DIS3L2: variants seen among roughly 807,000 people sequenced by gnomAD.
DIS3L2 encodes the protein DIS3-like exonuclease 2.
DIS3L2 carries 34 observed loss-of-function variants against 97.5 expected under a neutral mutation model. That is an observed-to-expected ratio of 0.35 (90% CI 0.27 to 0.46). The LOEUF (loss-of-function observed/expected upper bound fraction) is 0.46, where lower values mean the gene tolerates loss of function less well. DIS3L2 is among the 20% of genes least tolerant of loss of function. The probability of loss-of-function intolerance (pLI) is 1.00; values close to 1 mark genes in which losing one functional copy is unlikely to be tolerated. For missense variants in DIS3L2, 1,038 were observed against 1,146.0 expected (o/e 0.91, Z 1.36); for synonymous variants, 435 against 445.2 (o/e 0.98, Z 0.29).
At chr2:232,161,041 C>T (rs1438389230) in intron 8 of DIS3L2, among the ~76,000 whole-genome samples, 2 of 152,078 alleles carry the variant, frequency 1.3e-5, no homozygotes, top group Non-Finnish European at 2.9e-5. Context: ...TCTAAGCCTC[C>T]AGAGTAGCTG....
intron 4 of DIS3L2, among the ~76,000 whole-genome samples, chr2:232,028,714 G>A (rs1694725768): frequency 6.6e-6 from 1 of 152,152 alleles, no homozygotes; most frequent in Admixed American, 6.6e-5. Context: ...AGCAATAGAT[G>A]GTGATGTGCC....
intron 1 of DIS3L2, among the ~76,000 whole-genome samples, chr2:231,981,444 G>A (rs936535027): frequency 2.0e-5 from 3 of 150,916 alleles, no homozygotes; most frequent in African/African-American, 7.3e-5. Context: ...CATTTTATCT[G>A]TAAATAATAA....
chr2:232,299,355 C>T (rs982304328), intron 13 of DIS3L2, among the ~76,000 whole-genome samples: 27 of 152,308 alleles, frequency 1.8e-4, no homozygotes, highest in African/African-American at 6.0e-4. Flanking sequence ...CCTTCTTTTT[C>T]TTTTCTTCGC....
At chr2:232,248,816 C>G (rs1471886924) in intron 11 of DIS3L2, among the ~76,000 whole-genome samples, 1 of 152,206 alleles carries the variant, frequency 6.6e-6, no homozygotes, top group Non-Finnish European at 1.5e-5. Context: ...ATTGATTCAA[C>G]AATAACAATA....
intron 11 of DIS3L2, among the ~76,000 whole-genome samples, chr2:232,241,287 C>T (rs2106255771): frequency 6.6e-6 from 1 of 152,394 alleles, no homozygotes; most frequent in East Asian, 1.9e-4. Context: ...TCTCTGCTTT[C>T]TCACTTGGCA....
intron 1 of DIS3L2, among the ~76,000 whole-genome samples, chr2:231,986,054 C>T (rs1693403964): frequency 6.6e-6 from 1 of 152,212 alleles, no homozygotes. Flanking sequence ...TCCTGGTGCC[C>T]TTGGACATCA....
At chr2:232,213,661 GTTTTTTTTTTTTT>G (rs67846645) in intron 10 of DIS3L2, among the ~76,000 whole-genome samples, 1 of 80,740 alleles carries the variant, frequency 1.2e-5, no homozygotes. Context: ...ATCATCTGTA[GTTTTTTTTTTTTT>G]TTTTTTTTTT....
intron 14 of DIS3L2, among the ~76,000 whole-genome samples, chr2:232,300,842 CAG>C (rs1188730721): frequency 6.6e-6 from 1 of 152,022 alleles, no homozygotes; most frequent in Non-Finnish European, 1.5e-5. Context: ...TTAGTACAGA[CAG>C]GGTCTCCCTA....
chr2:232,046,862 A>G (rs1695257858), intron 5 of DIS3L2, among the ~76,000 whole-genome samples: 1 of 152,148 alleles, frequency 6.6e-6, no homozygotes. Context: ...TGTATTTTCC[A>G]GGCTGGTCTC....
At chr2:232,329,787 C>CCGGGGGCGCA in intron 14 of DIS3L2, 26 bp from the exon 15 acceptor site, 1 of 1,062,210 alleles carries the variant, frequency 9.4e-7, no homozygotes, top group Non-Finnish European at 1.3e-6. Flanking sequence ...CCCAGCGGTC[C>CCGGGGGCGCA]CTCCCATCCC....
At chr2:232,088,390 C>CAAAAAAAAAA (rs778505065) in intron 6 of DIS3L2, among the ~76,000 whole-genome samples, 92 of 55,334 alleles carry the variant, frequency 1.7e-3, no homozygotes, top group Middle Eastern at 0.013. Context: ...ACTAAAAATA[C>CAAAAAAAAAA]AAAAAAAAAA....
intron 14 of DIS3L2, among the ~76,000 whole-genome samples, chr2:232,319,768 G>A (rs1695374325): frequency 6.6e-6 from 1 of 152,194 alleles, no homozygotes; most frequent in Non-Finnish European, 1.5e-5. Flanking sequence ...CTGCAACCCA[G>A]GCTGCCCTAC....
chr2:232,317,856 A>G (rs1051982698), intron 14 of DIS3L2, among the ~76,000 whole-genome samples: 7 of 152,250 alleles, frequency 4.6e-5, no homozygotes, highest in Admixed American at 3.9e-4. Context: ...AGTTAACAAT[A>G]GGTCAGAGCT....
chr2:232,216,967 C>T (rs541418473), intron 10 of DIS3L2, among the ~76,000 whole-genome samples: 47 of 152,154 alleles, frequency 3.1e-4, no homozygotes, highest in African/African-American at 1.0e-3. Context: ...CTCAGCCTCC[C>T]GAGTAGCCAG....
chr2:232,090,287 A>G (rs1056455474), intron 6 of DIS3L2, among the ~76,000 whole-genome samples: 1 of 152,018 alleles, frequency 6.6e-6, no homozygotes, highest in African/African-American at 2.4e-5. Flanking sequence ...AGCCCGCTGT[A>G]TGCATGTTTC....
chr2:231,995,183 G>T (rs1472689172), intron 1 of DIS3L2, among the ~76,000 whole-genome samples: 1 of 151,906 alleles, frequency 6.6e-6, no homozygotes, highest in African/African-American at 2.4e-5. Flanking sequence ...TTTTCTTTCT[G>T]ACTGTCAATC....
intron 5 of DIS3L2, among the ~76,000 whole-genome samples, chr2:232,049,232 C>T (rs994377533): frequency 2.0e-5 from 3 of 151,774 alleles, no homozygotes; most frequent in African/African-American, 7.3e-5. Flanking sequence ...AAATATATGA[C>T]TTTTTATTTC....
intron 10 of DIS3L2, among the ~76,000 whole-genome samples, chr2:232,227,412 A>G (rs1291453455): frequency 2.6e-5 from 4 of 152,210 alleles, no homozygotes; most frequent in Non-Finnish European, 5.9e-5. Context: ...GTAGAAAGAG[A>G]TGCGTCTCAT....
chr2:232,315,136 A>C (rs899389214), intron 14 of DIS3L2, among the ~76,000 whole-genome samples: 1 of 152,180 alleles, frequency 6.6e-6, no homozygotes, highest in African/African-American at 2.4e-5. Flanking sequence ...AGAGACTGTG[A>C]TATTCAGGCC....
Sources: gnomAD v4.1 joint callset for allele counts (sites outside exome capture counted in the v4.1 genomes callset) on GRCh38, gnomAD v4.1.1 for gene constraint, MANE v1.5 for transcripts, NCBI Gene and HGNC (gene_info 2026-07-23, HGNC 2026-07-21) for gene names.